Variants in C19orf12 observed in about 807,000 individuals in gnomAD.
C19orf12 encodes the protein chromosome 19 open reading frame 12, also known as protein C19orf12.
A neutral mutation model predicts 3.8 loss-of-function variants in C19orf12; 2 were observed. The observed-to-expected ratio is 0.53, with a 90% CI of 0.22 to 1.66. C19orf12 has a LOEUF of 1.66. Among genes scored for constraint, C19orf12 ranks in the 40% most tolerant of loss-of-function variants. The pLI is 0.20. For synonymous variants in C19orf12, 89 were observed against 84.6 expected (o/e 1.05, Z -0.28); for missense variants, 156 against 188.8 (o/e 0.83, Z 1.02).
Position 29,702,844 on chromosome 19 carries a change from G to A in C19orf12, c.294C>T (p.His98=). Residue 98 remains histidine (H), a synonymous_variant, in exon 3 of 3, where the codon CAC becomes CAT. Coordinates refer to ENST00000323670, the MANE Select transcript of C19orf12 (RefSeq NM_031448.6). ...GCTGCACGGCGTCCGTCCACTCCAG[G>A]TGCCTGATGATGGCTGCGGCTTCGT... ...LFNEAAAIIR[H]LEWTDAVQLT... The A allele has an allele frequency of 6.2e-7, 1 of 1,614,158 alleles. No homozygotes were observed. The highest frequency in any genetic ancestry group is 8.5e-7 in the Non-Finnish European group (1 of 1,180,020).
chr19:29,703,075 G>A (rs549474596), intron 2 of C19orf12, 98 bp from the exon 3 acceptor site: 181 of 1,533,452 alleles, frequency 1.2e-4, no homozygotes, highest in Non-Finnish European at 1.6e-4. Flanking sequence ...CCATGAGCAG[G>A]CACATTCATG....
chr19:29,712,143 C>T (rs1319073251), intron 1 of C19orf12, among the ~76,000 whole-genome samples: 1 of 152,142 alleles, frequency 6.6e-6, no homozygotes, highest in African/African-American at 2.4e-5. Flanking sequence ...CGGTGGCTCA[C>T]GCTTGTAATC....
intron 2 of C19orf12, among the ~76,000 whole-genome samples, chr19:29,707,510 C>G (rs1480735884): frequency 6.6e-6 from 1 of 152,216 alleles, no homozygotes; most frequent in Admixed American, 6.5e-5. Flanking sequence ...TGAGAAGGTG[C>G]ATGGCTCCTC....
At chr19:29,703,916 G>T (rs934183401) in intron 2 of C19orf12, among the ~76,000 whole-genome samples, 2 of 151,988 alleles carry the variant, frequency 1.3e-5, no homozygotes, top group Non-Finnish European at 2.9e-5. Context: ...CTTGAACCCG[G>T]GAAGTAGAGG....
In C19orf12 at chr19:29,700,859, G is replaced by A. The variant is rs1487344643; in HGVS notation, c.*1853C>T. 6 of 453,888 alleles carry A rather than the reference G, an allele frequency of 1.3e-5. No homozygotes were observed. Among genetic ancestry groups the A allele is most frequent in the Non-Finnish European group, 2.2e-5 (5 of 226,788 alleles). 28.1% of individuals were successfully genotyped at this position (453,888 alleles called of 1,614,324 possible). A position where few individuals can be genotyped will look rare whatever the true frequency, so the allele number is the denominator to read the frequency against. On this transcript the variant is annotated 3_prime_UTR_variant, in exon 3 of 3. Coordinates refer to ENST00000323670, the MANE Select transcript of C19orf12 (RefSeq NM_031448.6). ...GGCCTCAGCAGAAGTGCCTCCCTCC[G>A]AGCCTCCAGGGCCTGAGAGGAGAGC...
chr19:29,706,391 A>C (rs141989859), intron 2 of C19orf12, among the ~76,000 whole-genome samples: 1,536 of 152,304 alleles, frequency 0.01, 26 homozygotes, highest in African/African-American at 0.036. Flanking sequence ...CTTTGTTTTC[A>C]GGGTAAAATG....
chr19:29,704,445 C>G (rs1330815824), intron 2 of C19orf12, among the ~76,000 whole-genome samples: 1 of 152,222 alleles, frequency 6.6e-6, no homozygotes, highest in African/African-American at 2.4e-5. Flanking sequence ...GCCTGGGCGA[C>G]AGAGTGAGAC....
Position 29,702,781 on chromosome 19 carries a change from C to G in C19orf12, c.357G>C (p.Gln119His), listed in dbSNP as rs1217945797. The change falls in exon 3 of 3, where the codon CAG (glutamine) becomes CAC (histidine). Residue 119 changes from glutamine to histidine, a missense_variant. Physicochemically the swap from Gln to His is conservative, Grantham distance 24. Transcript: ENST00000323670. ...ALVMGSEALQ[Q>H]QLLAMLVNYV... ...AGTTCACCAGCATGGCCAGCAGCTG[C>G]TGCTGCAGGGCCTCGCTGCCCATGA... 1 of 1,613,918 alleles carries G rather than the reference C, an allele frequency of 6.2e-7. No homozygotes were observed. Among genetic ancestry groups the G allele is most frequent in the Admixed American group, 1.7e-5 (1 of 60,034 alleles).
rs778618279 is a variant in C19orf12 at position 29,702,848 on chromosome 19, C to T, written c.290G>A (p.Arg97Lys). 6 of 1,614,062 alleles carry T rather than the reference C, an allele frequency of 3.7e-6. No individual in the cohort carries two copies. Among genetic ancestry groups the T allele is most frequent in the South Asian group, 1.1e-5 (1 of 91,088 alleles). ...CACGGCGTCCGTCCACTCCAGGTGC[C>T]TGATGATGGCTGCGGCTTCGTTAAA... is the stretch of plus-strand genomic sequence containing the variant. ...RLFNEAAAII[R>K]HLEWTDAVQL... Residue 97 changes from arginine to lysine, a missense_variant, in exon 3 of 3, where the codon AGG becomes AAG. By Grantham distance (26) the Arg-to-Lys change is conservative. Coordinates refer to ENST00000323670, the MANE Select transcript of C19orf12 (RefSeq NM_031448.6).
At chr19:29,714,267 G>A (rs772018186) in intron 1 of C19orf12, among the ~76,000 whole-genome samples, 1 of 152,154 alleles carries the variant, frequency 6.6e-6, no homozygotes, top group Non-Finnish European at 1.5e-5. Flanking sequence ...GGCTGAGGCA[G>A]GTGGATCGCA....
chr19:29,714,678 C>T (rs1972863725), intron 1 of C19orf12, among the ~76,000 whole-genome samples: 1 of 141,878 alleles, frequency 7.0e-6, no homozygotes, highest in East Asian at 2.1e-4. Flanking sequence ...AGCACCCCAC[C>T]CCCAGCCCCG....
At chr19:29,715,089 G>T (rs1449012976) in intron 1 of C19orf12, 36 bp downstream of exon 1, 2 of 596,214 alleles carry the variant, frequency 3.4e-6, no homozygotes, top group Admixed American at 5.9e-5. Context: ...GCGCGGCCTG[G>T]GAGGCGCCCC....
chr19:29,699,321 A>T lies in C19orf12; in HGVS notation c.*3391T>A, dbSNP rs1000689182. The T allele has an allele frequency of 2.7e-6, 1 of 364,414 alleles. No homozygotes were observed. Among genetic ancestry groups the T allele is most frequent in the Admixed American group, 4.0e-5 (1 of 25,194 alleles). The allele number at this position is 364,414 out of a possible 1,614,324, so 22.6% of individuals were successfully genotyped here. ...TCTCTACTAAAAATAAAAAAAAAAT[A>T]AAAAAATAAAAATTAGCCGGGCATG... is the stretch of plus-strand genomic sequence containing the variant. On this transcript the variant is annotated 3_prime_UTR_variant, in exon 3 of 3. Coordinates refer to ENST00000323670, the MANE Select transcript of C19orf12 (RefSeq NM_031448.6).
Position 29,700,753 on chromosome 19 carries a change from C to A in C19orf12, c.*1959G>T. 2.2e-6 allele frequency: 1 copy of A among 454,138 alleles called. No homozygotes were observed. Among genetic ancestry groups the A allele is most frequent in the Non-Finnish European group, 4.4e-6 (1 of 226,792 alleles). 28.1% of individuals were successfully genotyped at this position (454,138 alleles called of 1,614,324 possible). ...CTGCAAGAGAAAGGCTCGGCCCTTC[C>A]TTAATCACCATGGGTTATAATTCAC... On this transcript the variant is annotated 3_prime_UTR_variant, in exon 3 of 3. Transcript: ENST00000323670.
chr19:29,714,349 G>T (rs1972845971), intron 1 of C19orf12, among the ~76,000 whole-genome samples: 1 of 152,030 alleles, frequency 6.6e-6, no homozygotes, highest in African/African-American at 2.4e-5. Flanking sequence ...AAAAAAATTA[G>T]CCAGGCTTGG....
intron 1 of C19orf12, among the ~76,000 whole-genome samples, chr19:29,712,518 A>T (rs1254200220): frequency 6.6e-6 from 1 of 152,132 alleles, no homozygotes; most frequent in African/African-American, 2.4e-5. Context: ...CCCACCACCC[A>T]ACCTTTTTCA....
At chr19:29,709,178 G>GA (rs1437072229) in intron 1 of C19orf12, among the ~76,000 whole-genome samples, 1 of 152,218 alleles carries the variant, frequency 6.6e-6, no homozygotes, top group Non-Finnish European at 1.5e-5. Flanking sequence ...AGCAACTGGA[G>GA]AAAAAATACA....
rs1253348447 is a variant in C19orf12 at position 29,715,250 on chromosome 19, G to T, written c.-136C>A. ...GGAGGGTCGCGCAGGCCTTGGTGGC[G>T]GCCCCGGCGCTGGCCCCGCCCTCCG... On this transcript the variant is annotated 5_prime_UTR_variant, in exon 1 of 3. Coordinates refer to ENST00000323670, the MANE Select transcript of C19orf12 (RefSeq NM_031448.6). 8 of 388,746 alleles carry T rather than the reference G, an allele frequency of 2.1e-5. No homozygotes were observed. Among genetic ancestry groups the T allele is most frequent in the South Asian group, 1.5e-4 (7 of 46,218 alleles). 24.1% of individuals were successfully genotyped at this position (388,746 alleles called of 1,614,324 possible). A position where few individuals can be genotyped will look rare whatever the true frequency, so the allele number is the denominator to read the frequency against.
chr19:29,699,649 T>C lies in C19orf12; in HGVS notation c.*3063A>G, dbSNP rs549168917. On this transcript the variant is annotated 3_prime_UTR_variant, in exon 3 of 3. Transcript: ENST00000323670. ...GTTTTTCTAGGTTTTCAGCAACAAATACTGACAAAAGGAAATGAACAGTTT... is the reference window on the plus strand; with the variant it reads ...GTTTTTCTAGGTTTTCAGCAACAAACACTGACAAAAGGAAATGAACAGTTT... The C allele has an allele frequency of 1.3e-5, 6 of 453,926 alleles. No homozygotes were observed. Among genetic ancestry groups the C allele is most frequent in the Middle Eastern group, 6.9e-4 (1 of 1,444 alleles). 28.1% of individuals were successfully genotyped at this position (453,926 alleles called of 1,614,324 possible).
Sources: gnomAD v4.1 joint callset for allele counts (sites outside exome capture counted in the v4.1 genomes callset) on GRCh38, gnomAD v4.1.1 for gene constraint, MANE v1.5 for transcripts, NCBI Gene and HGNC (gene_info 2026-07-23, HGNC 2026-07-21) for gene names.